The following NXPE3 variants were observed in gnomAD, a reference collection of about 807,000 sequenced individuals.
NXPE3 encodes the protein NXPE family member 3.
NXPE3 carries 26 observed loss-of-function variants against 46.1 expected under a neutral mutation model. The ratio of observed to expected loss-of-function variants is 0.56; its 90% CI spans 0.41 to 0.78. The LOEUF (loss-of-function observed/expected upper bound fraction) is 0.78. Among genes scored for constraint, NXPE3 ranks in the 30% least tolerant of loss-of-function variants. The pLI is 0.00. For synonymous variants in NXPE3, 272 were observed against 257.9 expected, an observed-to-expected ratio of 1.05 and a Z score of -0.52; for missense variants, 620 against 686.0, an observed-to-expected ratio of 0.90 and a Z score of 1.07.
chr3:101,821,234 A>G (rs1942232662), intron 7 of NXPE3, among the ~76,000 whole-genome samples, 170 bp from the exon 8 acceptor site: 1 of 152,206 alleles, frequency 6.6e-6, no homozygotes, highest in Admixed American at 6.5e-5. Context: ...AGGCCCATTG[A>G]TACAAAAGGG....
intron 4 of NXPE3, among the ~76,000 whole-genome samples, chr3:101,791,026 G>T (rs901645998): frequency 6.6e-6 from 1 of 152,114 alleles, no homozygotes; most frequent in Non-Finnish European, 1.5e-5. Context: ...GTCAGTGGGG[G>T]TTTGTGTACA....
chr3:101,797,363 T>C (rs532288704), intron 4 of NXPE3, among the ~76,000 whole-genome samples: 2 of 152,298 alleles, frequency 1.3e-5, no homozygotes, highest in East Asian at 3.9e-4. Flanking sequence ...CTTCTAATCC[T>C]CTGCTGCTTC....
chr3:101,795,515 TAAAA>T (rs568595009), intron 4 of NXPE3, among the ~76,000 whole-genome samples: 1 of 129,542 alleles, frequency 7.7e-6, no homozygotes, highest in African/African-American at 2.9e-5. Context: ...GAGACTTATC[TAAAA>T]AAAAAAAAAA....
intron 1 of NXPE3, 75 bp downstream of exon 1, chr3:101,779,399 T>G (rs79938275): frequency 4.8e-4 from 74 of 152,848 alleles, no homozygotes; most frequent in African/African-American, 1.7e-3. Flanking sequence ...TGCCCGGCTC[T>G]GCCAGCGCGC....
chr3:101,816,250 C>G (rs931601227), intron 6 of NXPE3, among the ~76,000 whole-genome samples: 2 of 151,750 alleles, frequency 1.3e-5, no homozygotes, highest in Non-Finnish European at 2.9e-5. Context: ...CAGATCTTCC[C>G]ATTTTTGTAC....
chr3:101,801,857 C>T lies in NXPE3; in HGVS notation c.716C>T (p.Thr239Ile), dbSNP rs1266124249. The part of the protein sequence containing the change: ...LPGNLPLCNF[T>I]DLYTGEPWFC... ...GGGAATCTGCCCCTGTGTAACTTTA[C>T]AGACCTCTACACTGGGGAGCCCTGG... Residue 239 changes from threonine to isoleucine, a missense_variant, in exon 5 of 8, where the codon ACA becomes ATA. Physicochemically the swap from Thr to Ile is moderately conservative, Grantham distance 89. Around this residue, in one of 3 missense-constraint regions of NXPE3, gnomAD observed 511 missense variants for 528.6 expected, o/e 0.97. Transcript: ENST00000273347. 6.2e-7 allele frequency: 1 copy of T among 1,614,082 alleles called. No individual in the cohort carries two copies. Among genetic ancestry groups the T allele is most frequent in the East Asian group, 2.2e-5 (1 of 44,888 alleles).
rs1370286155 is a variant in NXPE3 at position 101,823,410 on chromosome 3, GTTTAAT to G, written c.*1463_*1468del. On this transcript the variant is annotated 3_prime_UTR_variant, in exon 8 of 8. Coordinates refer to ENST00000273347, the MANE Select transcript of NXPE3 (RefSeq NM_145037.4). ...TGAGGTAATAAAATATATTAAAATA[GTTTAAT>G]TTTAATGGTCCTTACGCTTTACAGT... 1 of 152,072 alleles carries G rather than the reference GTTTAAT, an allele frequency of 6.6e-6. No individual in the cohort carries two copies. The highest frequency in any genetic ancestry group is 1.9e-4 in the East Asian group (1 of 5,192). 9.4% of individuals were successfully genotyped at this position (152,072 alleles called of 1,614,324 possible). A position where few individuals can be genotyped will look rare whatever the true frequency, so the allele number is the denominator to read the frequency against.
intron 4 of NXPE3, among the ~76,000 whole-genome samples, chr3:101,786,731 A>G (rs1018298950): frequency 1.3e-5 from 2 of 152,218 alleles, no homozygotes; most frequent in African/African-American, 4.8e-5. Flanking sequence ...GCTGTTGATG[A>G]TGTGTCTAGA....
chr3:101,783,550 T>C (rs1380932327), intron 3 of NXPE3, among the ~76,000 whole-genome samples: 2 of 152,224 alleles, frequency 1.3e-5, no homozygotes, highest in Non-Finnish European at 2.9e-5. Context: ...CATTGCTGCC[T>C]CTGGTCCTGT....
In NXPE3 at chr3:101,801,999, G is replaced by A. The variant is rs1560051414; in HGVS notation, c.848+10G>A. The A allele has an allele frequency of 6.3e-7, 1 of 1,575,292 alleles. No homozygotes were observed. Among genetic ancestry groups the A allele is most frequent in the Non-Finnish European group, 8.6e-7 (1 of 1,166,898 alleles). Reference sequence around the variant, plus strand: ...GTGCTTTCTTCCAGAGGTATGTACTGCTTTTTCTTGGGGATGATTTGAAGA... The same window carrying A: ...GTGCTTTCTTCCAGAGGTATGTACTACTTTTTCTTGGGGATGATTTGAAGA... On this transcript the variant is annotated intron_variant, in intron 5 of 7. Coordinates refer to ENST00000273347, the MANE Select transcript of NXPE3 (RefSeq NM_145037.4).
chr3:101,801,579 C>T lies in NXPE3; in HGVS notation c.438C>T (p.Ala146=). The stretch of plus-strand genomic sequence containing the variant: ...AGTATGGTGGAGACTACCTGCAGGC[C>T]AGAATTCACTCCCTCAAGCTGCAGG... ...PKKYGGDYLQ[A]RIHSLKLQAG... The change falls in exon 5 of 8, where the codon GCC becomes GCT. Residue 146 remains alanine, a synonymous_variant. Transcript: ENST00000273347. The T allele has an allele frequency of 1.2e-6, 2 of 1,614,144 alleles. No homozygotes were observed. The highest frequency in any genetic ancestry group is 1.7e-6 in the Non-Finnish European group (2 of 1,180,026).
At chr3:101,814,439 C>G (rs1275278425) in intron 6 of NXPE3, among the ~76,000 whole-genome samples, 4 of 152,162 alleles carry the variant, frequency 2.6e-5, no homozygotes, top group African/African-American at 9.7e-5. Flanking sequence ...GTTTCCTTTT[C>G]TACTTGGGCT....
In NXPE3 at chr3:101,785,417, A is replaced by G; in HGVS notation, c.-180A>G. On this transcript the variant is annotated 5_prime_UTR_variant, in exon 4 of 8. Coordinates refer to ENST00000273347, the MANE Select transcript of NXPE3 (RefSeq NM_145037.4). ...CTCTTTGAAGGATTTCTTTGAAGAA[A>G]AATGTGCTTCTTGAATCAACTGCAG... 1.7e-6 allele frequency: 1 copy of G among 579,938 alleles called. No individual in the cohort carries two copies. 35.9% of individuals were successfully genotyped at this position (579,938 alleles called of 1,614,324 possible).
At chr3:101,812,340 A>G (rs1022889702) in intron 6 of NXPE3, among the ~76,000 whole-genome samples, 2 of 152,166 alleles carry the variant, frequency 1.3e-5, no homozygotes, top group African/African-American at 2.4e-5. Flanking sequence ...GGGAAAATCA[A>G]AGGGCCCATG....
At chr3:101,802,105 C>A in intron 5 of NXPE3, 116 bp downstream of exon 5, 1 of 959,804 alleles carries the variant, frequency 1.0e-6, no homozygotes, top group Non-Finnish European at 1.5e-6. Flanking sequence ...TCAACTTGGC[C>A]CAATACAGAA....
chr3:101,797,279 A>G (rs1247153086), intron 4 of NXPE3, among the ~76,000 whole-genome samples: 1 of 152,140 alleles, frequency 6.6e-6, no homozygotes, highest in East Asian at 1.9e-4. Flanking sequence ...TTTACAAGGT[A>G]TCTCCTGACT....
chr3:101,809,768 G>C (rs760772094), intron 6 of NXPE3, among the ~76,000 whole-genome samples: 1 of 152,110 alleles, frequency 6.6e-6, no homozygotes, highest in Non-Finnish European at 1.5e-5. Flanking sequence ...GGCAGTTGGG[G>C]AACACTTTCA....
chr3:101,792,353 A>G (rs1940567625), intron 4 of NXPE3, among the ~76,000 whole-genome samples: 1 of 152,070 alleles, frequency 6.6e-6, no homozygotes, highest in South Asian at 2.1e-4. Flanking sequence ...TATGTCTGGG[A>G]TGGTATTGCC....
At chr3:101,797,457 G>T in intron 4 of NXPE3, among the ~76,000 whole-genome samples, 3 of 142,046 alleles carry the variant, frequency 2.1e-5, no homozygotes, top group Admixed American at 7.1e-5. Flanking sequence ...AAGTTTTAGG[G>T]TACATGTGCA....
Sources: gnomAD v4.1 joint callset for allele counts (sites outside exome capture counted in the v4.1 genomes callset) on GRCh38, gnomAD v4.1.1 for gene constraint, gnomAD v4.1.1 regional missense constraint, MANE v1.5 for transcripts, NCBI Gene and HGNC (gene_info 2026-07-23, HGNC 2026-07-21) for gene names.